SPATS2: variants seen among roughly 807,000 people sequenced by gnomAD.
The protein encoded by SPATS2 is spermatogenesis-associated serine-rich protein 2.
In SPATS2, 38 loss-of-function variants were observed where a neutral mutation model predicts 63.7. The observed-to-expected ratio is 0.60, with a 90% confidence interval of 0.46 to 0.78. SPATS2 has a LOEUF of 0.78. Among genes scored for constraint, SPATS2 ranks in the 30% least tolerant of loss-of-function variants. SPATS2 has a pLI of 0.00. For missense variants in SPATS2, 588 were observed against 666.2 expected, an observed-to-expected ratio of 0.88 and a Z score of 1.29; for synonymous variants, 207 against 232.9, an observed-to-expected ratio of 0.89 and a Z score of 1.01.
In SPATS2 at chr12:49,495,488, C is replaced by T. The variant is rs9651996; in HGVS notation, c.526+486C>T. On this transcript the variant is annotated intron_variant, in intron 7 of 13. Coordinates refer to ENST00000552918, the MANE Select transcript of SPATS2 (RefSeq NM_023071.4). ...CTGGGATTACAGGCGTTGCCCACCG[C>T]GCCTGGCTGAAAAAATACAATTCTT... Among the ~76,000 whole-genome samples, 698 of 152,152 alleles carry T rather than the reference C, an allele frequency of 4.6e-3. 1 individual carries two copies. Among genetic ancestry groups the T allele is most frequent in the African/African-American group, 0.016 (673 of 41,520 alleles).
chr12:49,366,922 A>G (rs1381084120), upstream of SPATS2: 1 of 151,222 alleles, frequency 6.6e-6, no homozygotes, highest in Non-Finnish European at 1.5e-5. Flanking sequence ...GCCGCCGGGT[A>G]CGAGCTGTGC....
chr12:49,523,918 C>T (rs924607923), intron 12 of SPATS2, among the ~76,000 whole-genome samples: 24 of 151,928 alleles, frequency 1.6e-4, no homozygotes, highest in Non-Finnish European at 2.5e-4. Context: ...TGCCACTGCA[C>T]TCCAGCCTGG....
At chr12:49,503,794 G>A (rs1946609927) in intron 9 of SPATS2, among the ~76,000 whole-genome samples, 1 of 152,188 alleles carries the variant, frequency 6.6e-6, no homozygotes, top group Non-Finnish European at 1.5e-5. Flanking sequence ...TGAACCAGCA[G>A]GAAACGCAGT....
intron 2 of SPATS2, among the ~76,000 whole-genome samples, chr12:49,408,994 CATA>C (rs1944747996): frequency 1.3e-5 from 2 of 152,094 alleles, no homozygotes; most frequent in South Asian, 4.2e-4. Context: ...TAAATGAATG[CATA>C]CAGCTTTCAG....
At chr12:49,457,882 T>C (rs1463853906) in intron 2 of SPATS2, among the ~76,000 whole-genome samples, 2 of 152,220 alleles carry the variant, frequency 1.3e-5, no homozygotes, top group African/African-American at 2.4e-5. Flanking sequence ...TATATTTCCA[T>C]AGGCTTTGGC....
intron 3 of SPATS2, among the ~76,000 whole-genome samples, chr12:49,464,775 G>A (rs1418045406): frequency 3.3e-5 from 5 of 152,096 alleles, no homozygotes; most frequent in Non-Finnish European, 7.4e-5. Context: ...GCTACAGTGA[G>A]CTATGATCAC....
intron 10 of SPATS2, among the ~76,000 whole-genome samples, chr12:49,516,203 ATATAT>A (rs1565761017): frequency 7.0e-5 from 8 of 114,432 alleles, no homozygotes; most frequent in South Asian, 6.5e-4. Context: ...ATATATATAT[ATATAT>A]AAATCAGGCA....
At chr12:49,506,553 C>T (rs548657345) in intron 9 of SPATS2, among the ~76,000 whole-genome samples, 28 of 152,134 alleles carry the variant, frequency 1.8e-4, no homozygotes, top group African/African-American at 4.6e-4. Flanking sequence ...TGACACTTGG[C>T]GATTATTACA....
At chr12:49,525,013 G>T in intron 13 of SPATS2, 117 bp downstream of exon 13, 1 of 1,034,110 alleles carries the variant, frequency 9.7e-7, no homozygotes. Context: ...TGCCTGTTTT[G>T]AATCCCTCCA....
rs79277048 is a variant in SPATS2 at position 49,480,807 on chromosome 12, T to A, written c.26-3783T>A. On this transcript the variant is annotated intron_variant, in intron 3 of 13. Transcript: ENST00000552918. ...CTTGTTGTTTTCTGTTTTTTTTTTT[T>A]AATAAATAAATATGCACCCTGGGTA... Among the ~76,000 whole-genome samples the A allele has an allele frequency of 2.6e-5, 4 of 151,288 alleles. No individual in the cohort carries two copies. The South Asian group carries it at 8.3e-4, about 32-fold the overall frequency.
chr12:49,443,873 G>A (rs918226478), intron 2 of SPATS2, among the ~76,000 whole-genome samples: 1 of 152,160 alleles, frequency 6.6e-6, no homozygotes, highest in Non-Finnish European at 1.5e-5. Context: ...GTACCACACT[G>A]TCTTCATGAC....
At chr12:49,474,655 A>G (rs1269292410) in intron 3 of SPATS2, among the ~76,000 whole-genome samples, 4 of 152,264 alleles carry the variant, frequency 2.6e-5, no homozygotes, top group Admixed American at 2.0e-4. Flanking sequence ...CTCACTGTCC[A>G]GATTCTTACT....
chr12:49,481,558 C>T (rs977716370), intron 3 of SPATS2, among the ~76,000 whole-genome samples: 2 of 149,504 alleles, frequency 1.3e-5, no homozygotes, highest in Non-Finnish European at 3.0e-5. Context: ...ACCTCTGCCT[C>T]CCGGGTTCAA....
At chr12:49,463,229 C>T (rs1370558503) in intron 3 of SPATS2, 1 of 151,270 alleles carries the variant, frequency 6.6e-6, no homozygotes, top group African/African-American at 2.4e-5. Flanking sequence ...CACAGTGAAA[C>T]CCCGTCTCTA....
chr12:49,526,419 C>A lies in SPATS2; in HGVS notation c.*164C>A. 1.2e-6 allele frequency: 1 copy of A among 856,658 alleles called. No homozygotes were observed. The highest frequency in any genetic ancestry group is 1.7e-6 in the Non-Finnish European group (1 of 580,006). 53.1% of individuals were successfully genotyped at this position (856,658 alleles called of 1,614,324 possible). ...TTCTTGTCTCCTTATTTCCTCTTTA[C>A]CATTTTTGGAGGGGAAGCTATTTTT... is the stretch of plus-strand genomic sequence containing the variant. On this transcript the variant is annotated 3_prime_UTR_variant, in exon 14 of 14. Transcript: ENST00000552918.
chr12:49,399,638 T>G (rs1236363632), intron 2 of SPATS2, among the ~76,000 whole-genome samples: 4 of 152,220 alleles, frequency 2.6e-5, no homozygotes. Context: ...AAACAGAGAT[T>G]CTAATTAAAA....
At chr12:49,483,050 A>G (rs1347637589) in intron 3 of SPATS2, among the ~76,000 whole-genome samples, 1 of 149,138 alleles carries the variant, frequency 6.7e-6, no homozygotes, top group African/African-American at 2.5e-5. Context: ...TGGCCTCCCA[A>G]AATGTTCGGA....
At chr12:49,404,389 C>T (rs779966924) in intron 2 of SPATS2, among the ~76,000 whole-genome samples, 1 of 150,718 alleles carries the variant, frequency 6.6e-6, no homozygotes, top group South Asian at 2.1e-4. Context: ...TGGGCCGAAG[C>T]GATCCTTCCG....
chr12:49,421,354 G>T (rs1340695020), intron 2 of SPATS2, among the ~76,000 whole-genome samples: 1 of 146,976 alleles, frequency 6.8e-6, no homozygotes, highest in Non-Finnish European at 1.5e-5. Flanking sequence ...GGAGGCAGAG[G>T]TTGTGGTGAG....
Sources: allele counts gnomAD v4.1 joint callset (sites outside exome capture counted in the v4.1 genomes callset), GRCh38; gene constraint gnomAD v4.1.1; transcripts MANE v1.5; gene names NCBI Gene and HGNC (gene_info 2026-07-23, HGNC 2026-07-21).